Variants in BTRC observed in about 807,000 individuals in gnomAD.
BTRC encodes F-box/WD repeat-containing protein 1A.
A neutral mutation model predicts 85.5 loss-of-function variants in BTRC; 42 were observed. The observed-to-expected ratio is 0.49, with a 90% CI of 0.38 to 0.64. The LOEUF is 0.64. Among genes scored for constraint, BTRC ranks in the 30% least tolerant of loss-of-function variants. The pLI is 0.00. For synonymous variants in BTRC, 255 were observed against 263.3 expected (o/e 0.97, Z 0.30); for missense variants, 594 against 743.5 (o/e 0.80, Z 2.34).
At chr10:101,421,945 T>A (rs979209979) in intron 1 of BTRC, among the ~76,000 whole-genome samples, 1 of 152,108 alleles carries the variant, frequency 6.6e-6, no homozygotes, top group Non-Finnish European at 1.5e-5. Context: ...TGTGCATGTG[T>A]CTTTAGAGCA....
intron 3 of BTRC, among the ~76,000 whole-genome samples, chr10:101,462,674 C>G (rs1481060657): frequency 2.4e-5 from 3 of 126,002 alleles, no homozygotes; most frequent in Non-Finnish European, 3.6e-5. Context: ...AGCAAAACTC[C>G]GTCTCAAAAA....
At chr10:101,552,390 A>C in intron 14 of BTRC, among the ~76,000 whole-genome samples, 1 of 138,278 alleles carries the variant, frequency 7.2e-6, no homozygotes, top group Non-Finnish European at 1.5e-5. Context: ...ATGGAGTTTC[A>C]CCATGTTGCC....
intron 1 of BTRC, among the ~76,000 whole-genome samples, chr10:101,387,011 A>G (rs980542736): frequency 1.3e-5 from 2 of 152,154 alleles, no homozygotes; most frequent in East Asian, 1.9e-4. Context: ...AATGGCCCCC[A>G]GCATCATTTA....
At chr10:101,549,117 A>T (rs1432566452) in intron 13 of BTRC, among the ~76,000 whole-genome samples, 1 of 151,974 alleles carries the variant, frequency 6.6e-6, no homozygotes, top group Non-Finnish European at 1.5e-5. Flanking sequence ...GAAATTCAGT[A>T]AGAGACTAAA....
intron 3 of BTRC, among the ~76,000 whole-genome samples, chr10:101,462,715 C>T (rs1434020279): frequency 1.3e-5 from 2 of 151,374 alleles, no homozygotes; most frequent in African/African-American, 4.9e-5. Context: ...CCACTGTGCC[C>T]CAATAGAAGG....
intron 4 of BTRC, among the ~76,000 whole-genome samples, chr10:101,487,830 C>T (rs940271705): frequency 7.9e-5 from 12 of 152,148 alleles, no homozygotes; most frequent in African/African-American, 2.7e-4. Flanking sequence ...CAATGCCAGG[C>T]TCAGTTTCTG....
chr10:101,509,475 C>T (rs1331770247), intron 4 of BTRC, among the ~76,000 whole-genome samples: 4 of 148,904 alleles, frequency 2.7e-5, no homozygotes, highest in Non-Finnish European at 5.9e-5. Flanking sequence ...GGGATGGTCT[C>T]GATCTCCTGA....
intron 1 of BTRC, among the ~76,000 whole-genome samples, chr10:101,408,331 G>T (rs1403899359): frequency 6.6e-6 from 1 of 151,500 alleles, no homozygotes. Context: ...TTCTGAGACA[G>T]GGTCTCACTC....
intron 2 of BTRC, 69 bp downstream of exon 2, chr10:101,430,521 T>G (rs1270000457): frequency 8.2e-6 from 10 of 1,219,692 alleles, no homozygotes; most frequent in African/African-American, 1.5e-5. Flanking sequence ...AGTATGTGCC[T>G]CCTCCTTTCC....
chr10:101,458,799 A>C (rs1376996121), intron 2 of BTRC, among the ~76,000 whole-genome samples: 2 of 152,212 alleles, frequency 1.3e-5, no homozygotes, highest in African/African-American at 2.4e-5. Flanking sequence ...TTTTCAGTAC[A>C]TCATATTAAA....
chr10:101,427,336 T>C (rs1270572318), intron 1 of BTRC, among the ~76,000 whole-genome samples: 3 of 152,000 alleles, frequency 2.0e-5, no homozygotes, highest in African/African-American at 7.2e-5. Context: ...CAGGATGGTC[T>C]TGATCTCTTG....
At chr10:101,488,624 A>G (rs931146774) in intron 4 of BTRC, among the ~76,000 whole-genome samples, 1 of 152,210 alleles carries the variant, frequency 6.6e-6, no homozygotes, top group Non-Finnish European at 1.5e-5. Context: ...ATATGAAGCC[A>G]TCATGATTTG....
intron 13 of BTRC, among the ~76,000 whole-genome samples, chr10:101,545,566 C>T (rs941375287): frequency 2.0e-5 from 3 of 152,030 alleles, no homozygotes; most frequent in Non-Finnish European, 2.9e-5. Flanking sequence ...GACTGGTGTC[C>T]TTAAAACAAG....
intron 1 of BTRC, among the ~76,000 whole-genome samples, chr10:101,401,827 G>C (rs572752605): frequency 3.3e-4 from 43 of 129,552 alleles, no homozygotes; most frequent in Admixed American, 1.8e-3. Flanking sequence ...GACAGAGCGA[G>C]ACCTCATCTC....
intron 1 of BTRC, among the ~76,000 whole-genome samples, chr10:101,390,526 G>A (rs916711365): frequency 2.0e-5 from 3 of 151,798 alleles, no homozygotes; most frequent in African/African-American, 7.3e-5. Flanking sequence ...TAGAGACGGG[G>A]TTTCACCATG....
At chr10:101,358,312 A>G (rs1226423622) in intron 1 of BTRC, among the ~76,000 whole-genome samples, 2 of 151,478 alleles carry the variant, frequency 1.3e-5, no homozygotes, top group African/African-American at 4.9e-5. Flanking sequence ...CTTTGTTGAC[A>G]GGGGTGGTTT....
chr10:101,508,766 T>C (rs919368445), intron 4 of BTRC, among the ~76,000 whole-genome samples: 3 of 151,786 alleles, frequency 2.0e-5, no homozygotes, highest in Non-Finnish European at 2.9e-5. Flanking sequence ...TACAAAAAAA[T>C]AGCCAGGTGT....
rs2062639170 is a variant in BTRC at position 101,550,874 on chromosome 10, G to A, written c.*14G>A. The A allele has an allele frequency of 6.2e-7, 1 of 1,603,066 alleles. No individual in the cohort carries two copies. Among genetic ancestry groups the A allele is most frequent in the African/African-American group, 1.3e-5 (1 of 74,834 alleles). On this transcript the variant is annotated 3_prime_UTR_variant, in exon 14 of 15. Transcript: ENST00000370187. The stretch of plus-strand genomic sequence containing the variant: ...ATCTCCAGATAAATAACCATACACT[G>A]ACCTCATACTTGCCCAGGTATCGAA...
chr10:101,546,475 TG>T (rs1265677601), intron 13 of BTRC, among the ~76,000 whole-genome samples: 3 of 152,206 alleles, frequency 2.0e-5, no homozygotes, highest in African/African-American at 7.2e-5. Context: ...GAACATGTGA[TG>T]TTTTGAAAAG....
Sources: allele counts gnomAD v4.1 joint callset (sites outside exome capture counted in the v4.1 genomes callset), GRCh38; gene constraint gnomAD v4.1.1; transcripts MANE v1.5; gene names NCBI Gene and HGNC (gene_info 2026-07-23, HGNC 2026-07-21).